The following PTPRT variants were observed in gnomAD, a reference collection of about 807,000 sequenced individuals.
PTPRT encodes protein tyrosine phosphatase receptor type T.
In PTPRT, 56 loss-of-function variants were observed where a neutral mutation model predicts 176.8. The observed-to-expected ratio is 0.32, with a 90% CI of 0.26 to 0.40. PTPRT has a LOEUF of 0.40. Ranked by LOEUF, PTPRT falls within the 10% of genes least tolerant of loss-of-function variation. The pLI is 1.00. For synonymous variants in PTPRT, 783 were observed against 739.0 expected, an observed-to-expected ratio of 1.06 and a Z score of -0.96; for missense variants, 1,540 against 1,908.2, an observed-to-expected ratio of 0.81 and a Z score of 3.60.
chr20:43,044,129 A>G (rs573120838), intron 1 of PTPRT, among the ~76,000 whole-genome samples: 1 of 152,144 alleles, frequency 6.6e-6, no homozygotes, highest in Non-Finnish European at 1.5e-5. Flanking sequence ...CCAGCCTGAG[A>G]AAATGATTAG....
chr20:42,710,182 G>A (rs1192760713), intron 6 of PTPRT, among the ~76,000 whole-genome samples: 1 of 152,178 alleles, frequency 6.6e-6, no homozygotes, highest in Non-Finnish European at 1.5e-5. Flanking sequence ...TTTTTCAGAA[G>A]AGGAATTCAA....
At chr20:42,361,218 T>C (rs2058427748) in intron 9 of PTPRT, among the ~76,000 whole-genome samples, 4 of 152,204 alleles carry the variant, frequency 2.6e-5, no homozygotes, top group Admixed American at 2.6e-4. Context: ...GCTGGGTCCA[T>C]GCCTGTCCGG....
At chr20:42,718,578 A>G (rs1296763328) in intron 6 of PTPRT, among the ~76,000 whole-genome samples, 1 of 152,190 alleles carries the variant, frequency 6.6e-6, no homozygotes, top group Non-Finnish European at 1.5e-5. Flanking sequence ...TGAATACAAC[A>G]TGGATGAGAC....
At chr20:43,011,752 G>A (rs575128630) in intron 1 of PTPRT, among the ~76,000 whole-genome samples, 149 of 152,350 alleles carry the variant, frequency 9.8e-4, no homozygotes, top group Non-Finnish European at 1.9e-3. Context: ...GTCTGTGAGG[G>A]TGTTGCCAAA....
At chr20:42,732,130 G>A (rs2076470405) in intron 6 of PTPRT, among the ~76,000 whole-genome samples, 1 of 151,120 alleles carries the variant, frequency 6.6e-6, no homozygotes, top group African/African-American at 2.4e-5. Context: ...CACCAGCTAT[G>A]TCCATGTGCG....
intron 1 of PTPRT, among the ~76,000 whole-genome samples, chr20:42,937,653 A>T (rs998494567): frequency 4.6e-5 from 7 of 152,244 alleles, no homozygotes; most frequent in Admixed American, 4.6e-4. Context: ...GAGAGTTGAG[A>T]GCAGCTCTTC....
chr20:42,276,422 G>A (rs2057030485), intron 13 of PTPRT, among the ~76,000 whole-genome samples: 1 of 144,798 alleles, frequency 6.9e-6, no homozygotes, highest in Non-Finnish European at 1.5e-5. Flanking sequence ...AACTGAGAGA[G>A]AGGATCTGTG....
intron 7 of PTPRT, among the ~76,000 whole-genome samples, chr20:42,551,561 A>G (rs529444023): frequency 1.3e-5 from 2 of 152,182 alleles, no homozygotes; most frequent in Non-Finnish European, 2.9e-5. Context: ...GTGTTAGTCA[A>G]TGCTTATCTG....
rs1600782058 is a variant in PTPRT at position 42,285,570 on chromosome 20, T to C, written c.2140-3045A>G. ...GAAGCTTTATATTCAATGATGTTGG[T>C]TCCAGTGTTCTTTATAAAAGTGAAA... On this transcript the variant is annotated intron_variant, in intron 12 of 30. Transcript: ENST00000373187. 3.3e-5 allele frequency among the ~76,000 whole-genome samples: 5 copies of C among 152,062 alleles called. No homozygotes were observed. In the South Asian group the frequency reaches 6.2e-4, roughly 19 times the overall value.
chr20:42,188,690 ATCACTTCTTT>A, intron 16 of PTPRT, among the ~76,000 whole-genome samples: 1 of 152,298 alleles, frequency 6.6e-6, no homozygotes, highest in Non-Finnish European at 1.5e-5. Flanking sequence ...CATCGTCAAC[ATCACTTCTTT>A]ATCCCTGATT....
chr20:42,842,361 C>T (rs1363543430), intron 2 of PTPRT, among the ~76,000 whole-genome samples: 1 of 152,154 alleles, frequency 6.6e-6, no homozygotes, highest in African/African-American at 2.4e-5. Context: ...GTTGGAAAAT[C>T]CATTGTCTTC....
chr20:42,196,384 T>G (rs1039359695), intron 16 of PTPRT, among the ~76,000 whole-genome samples: 2 of 152,182 alleles, frequency 1.3e-5, no homozygotes, highest in African/African-American at 2.4e-5. Flanking sequence ...ATTTATGGGG[T>G]ATAGTGTGAT....
intron 6 of PTPRT, among the ~76,000 whole-genome samples, chr20:42,686,532 G>A (rs1324581902): frequency 8.0e-6 from 1 of 125,330 alleles, no homozygotes; most frequent in African/African-American, 3.0e-5. Context: ...CACCCAGGCT[G>A]GAGTGCAGTG....
intron 27 of PTPRT, among the ~76,000 whole-genome samples, chr20:42,095,351 G>C (rs958629148): frequency 1.3e-5 from 2 of 152,122 alleles, no homozygotes; most frequent in African/African-American, 4.8e-5. Context: ...ATGGCCCTCT[G>C]ACCTCACCTT....
chr20:42,042,829 A>T, the PTPRT span, among the ~76,000 whole-genome samples: 5 of 152,260 alleles, frequency 3.3e-5, no homozygotes, highest in African/African-American at 1.2e-4. Flanking sequence ...TCAGGACCAC[A>T]GTCTTCCTGA....
intron 7 of PTPRT, among the ~76,000 whole-genome samples, chr20:42,569,731 G>A (rs1298582927): frequency 6.6e-6 from 1 of 152,170 alleles, no homozygotes; most frequent in Non-Finnish European, 1.5e-5. Context: ...AGGGCTCTTA[G>A]CCTGATTCTT....
intron 1 of PTPRT, among the ~76,000 whole-genome samples, chr20:43,070,375 T>G (rs1426755672): frequency 1.3e-5 from 2 of 152,190 alleles, no homozygotes; most frequent in African/African-American, 2.4e-5. Flanking sequence ...ACACTGTTGG[T>G]GGGACTGTAA....
At chr20:42,668,956 C>T (rs893757139) in intron 7 of PTPRT, among the ~76,000 whole-genome samples, 3 of 150,604 alleles carry the variant, frequency 2.0e-5, no homozygotes, top group African/African-American at 4.9e-5. Context: ...ATGATCCGCC[C>T]GCCTCGGCCT....
intron 1 of PTPRT, among the ~76,000 whole-genome samples, chr20:43,081,046 A>G (rs1453697168): frequency 6.6e-6 from 1 of 152,228 alleles, no homozygotes; most frequent in Non-Finnish European, 1.5e-5. Context: ...TTAGAATGTT[A>G]TCATTTTATT....
Sources: allele counts gnomAD v4.1 joint callset (sites outside exome capture counted in the v4.1 genomes callset), GRCh38; gene constraint gnomAD v4.1.1; transcripts MANE v1.5; gene names NCBI Gene and HGNC (gene_info 2026-07-23, HGNC 2026-07-21).